The following ST8SIA2 variants were observed in gnomAD, a reference collection of about 807,000 sequenced individuals.
ST8SIA2 encodes the protein ST8 alpha-N-acetyl-neuraminide alpha-2,8-sialyltransferase 2, also known as alpha-2,8-sialyltransferase 8B.
Under a neutral mutation model 37.6 loss-of-function variants are expected in ST8SIA2, and 22 were observed. The ratio of observed to expected loss-of-function variants is 0.58; its 90% CI spans 0.42 to 0.83. The LOEUF (loss-of-function observed/expected upper bound fraction) is 0.83, where lower values mean the gene tolerates loss of function less well. Among genes scored for constraint, ST8SIA2 ranks in the 40% least tolerant of loss-of-function variants. The probability of loss-of-function intolerance (pLI) is 0.00; values close to 1 mark genes in which losing one functional copy is unlikely to be tolerated. For synonymous variants in ST8SIA2, 205 were observed against 201.2 expected (o/e 1.02, Z -0.16); for missense variants, 382 against 484.7 (o/e 0.79, Z 1.99).
At position 92,406,548 on chromosome 15, in the gene ST8SIA2, G is replaced by C. The variant is rs573482429; in HGVS notation, c.98+12386G>C. On this transcript the variant is annotated intron_variant, in intron 1 of 5. Coordinates refer to ENST00000268164, the MANE Select transcript of ST8SIA2 (RefSeq NM_006011.4). Reference sequence around the variant, plus strand: ...CCCAGGTGAAGTGTATGCACACTTTGCTGGGGGAATGATTGGTTTCCCTGC... The same window carrying C: ...CCCAGGTGAAGTGTATGCACACTTTCCTGGGGGAATGATTGGTTTCCCTGC... Among the ~76,000 whole-genome samples the C allele has an allele frequency of 3.5e-4, 53 of 152,350 alleles. No homozygotes were observed. The South Asian group carries it at 9.9e-3, about 29-fold the overall frequency.
chr15:92,396,586 C>A (rs575746801), intron 1 of ST8SIA2, among the ~76,000 whole-genome samples: 1 of 151,940 alleles, frequency 6.6e-6, no homozygotes, highest in East Asian at 1.9e-4. Flanking sequence ...CTCCGCCTCC[C>A]GGGTTCAAGC....
intron 5 of ST8SIA2, among the ~76,000 whole-genome samples, chr15:92,459,788 G>A (rs955386731): frequency 1.3e-5 from 2 of 152,124 alleles, no homozygotes; most frequent in African/African-American, 2.4e-5. Context: ...TAGTAGAGAC[G>A]GGGTTTCACC....
intron 1 of ST8SIA2, among the ~76,000 whole-genome samples, chr15:92,418,348 G>C (rs2141817995): frequency 6.6e-6 from 1 of 151,780 alleles, no homozygotes. Flanking sequence ...TGTAGTCTCA[G>C]CTACTTGGGA....
chr15:92,432,042 G>A (rs1038294355), intron 2 of ST8SIA2, among the ~76,000 whole-genome samples: 1 of 152,064 alleles, frequency 6.6e-6, no homozygotes, highest in Non-Finnish European at 1.5e-5. Flanking sequence ...AGGCATCCAC[G>A]GGAGAATTCC....
intron 1 of ST8SIA2, among the ~76,000 whole-genome samples, chr15:92,412,501 T>C (rs976052281): frequency 1.2e-4 from 19 of 152,280 alleles, no homozygotes; most frequent in Non-Finnish European, 1.6e-4. Context: ...CCTCTCTGCC[T>C]GATATTCTTC....
chr15:92,407,701 G>C (rs1424498462), intron 1 of ST8SIA2, among the ~76,000 whole-genome samples: 1 of 152,168 alleles, frequency 6.6e-6, no homozygotes, highest in Non-Finnish European at 1.5e-5. Context: ...AAGTCTAGGG[G>C]AGCCTTTTAA....
chr15:92,430,597 TGAAA>T lies in ST8SIA2; in HGVS notation c.161+489_161+492del, dbSNP rs549572039. Among the ~76,000 whole-genome samples the T allele has an allele frequency of 3.2e-3, 486 of 152,344 alleles. 9 individuals are homozygous for T. The highest frequency in any genetic ancestry group is 0.011 in the African/African-American group (466 of 41,568). On this transcript the variant is annotated intron_variant, in intron 2 of 5. Coordinates refer to ENST00000268164, the MANE Select transcript of ST8SIA2 (RefSeq NM_006011.4). ...ATTATTGAACGTACGCTCCAAATTC[TGAAA>T]GAGTGTTTCTACTTCATGTAATGGT... is the stretch of plus-strand genomic sequence containing the variant.
chr15:92,443,166 G>A (rs1437218568), intron 4 of ST8SIA2, among the ~76,000 whole-genome samples: 1 of 152,216 alleles, frequency 6.6e-6, no homozygotes, highest in Non-Finnish European at 1.5e-5. Context: ...GTTTGATGAT[G>A]ACCTGTGATC....
At chr15:92,404,592 TG>T (rs2049494232) in intron 1 of ST8SIA2, among the ~76,000 whole-genome samples, 1 of 145,934 alleles carries the variant, frequency 6.9e-6, no homozygotes, top group Non-Finnish European at 1.5e-5. Context: ...GAGGCCGAGG[TG>T]GGTGGATTAC....
At chr15:92,436,966 G>A (rs1378464953) in intron 3 of ST8SIA2, among the ~76,000 whole-genome samples, 1 of 152,182 alleles carries the variant, frequency 6.6e-6, no homozygotes, top group East Asian at 1.9e-4. Flanking sequence ...ATGTCAGCCT[G>A]GAAATTTGAA....
chr15:92,446,633 T>C (rs2049844764), intron 5 of ST8SIA2, among the ~76,000 whole-genome samples: 1 of 152,162 alleles, frequency 6.6e-6, no homozygotes, highest in Non-Finnish European at 1.5e-5. Flanking sequence ...TAAGTTTTCT[T>C]ATAGGGAAAG....
intron 1 of ST8SIA2, among the ~76,000 whole-genome samples, chr15:92,396,470 GTTTT>G (rs111488508): frequency 7.0e-6 from 1 of 143,620 alleles, no homozygotes; most frequent in African/African-American, 2.5e-5. Flanking sequence ...GTTTGTTTTT[GTTTT>G]TTTTTTTGTC....
chr15:92,446,182 G>C (rs2049841100), intron 5 of ST8SIA2, among the ~76,000 whole-genome samples: 1 of 152,182 alleles, frequency 6.6e-6, no homozygotes, highest in South Asian at 2.1e-4. Flanking sequence ...ACAGTGGGGG[G>C]CTGAAGCAGC....
Position 92,466,098 on chromosome 15 carries a change from A to G in ST8SIA2, c.*1713A>G, listed in dbSNP as rs1299189874. Reference sequence around the variant, plus strand: ...CTAAATTAATGGTTGACCGGAAGGGATTGGAGGCGGCAGAACCATTAACCC... The same window carrying G: ...CTAAATTAATGGTTGACCGGAAGGGGTTGGAGGCGGCAGAACCATTAACCC... On this transcript the variant is annotated 3_prime_UTR_variant, in exon 6 of 6. Transcript: ENST00000268164. 1 of 152,158 alleles carries G rather than the reference A, an allele frequency of 6.6e-6. No individual in the cohort carries two copies. Among genetic ancestry groups the G allele is most frequent in the East Asian group, 1.9e-4 (1 of 5,180 alleles). 9.4% of individuals were successfully genotyped at this position (152,158 alleles called of 1,614,324 possible).
intron 3 of ST8SIA2, among the ~76,000 whole-genome samples, chr15:92,434,853 A>G (rs575931374): frequency 2.0e-5 from 3 of 152,298 alleles, no homozygotes; most frequent in Admixed American, 2.0e-4. Flanking sequence ...GAAAACCTAG[A>G]GCCATAGGGG....
rs749600701 is a variant in ST8SIA2, at chr15:92,438,417, C to G, written c.355C>G (p.Pro119Ala). Reference protein sequence around the residue: ...DISVLKGTLKPGDIIHYIFDR... With the variant: ...DISVLKGTLKAGDIIHYIFDR... The stretch of plus-strand genomic sequence containing the variant: ...TTCTGTCCTAAAGGGAACCCTGAAG[C>G]CTGGAGATATTATTCATTACATCTT... The change falls in exon 4 of 6, where the codon CCT (proline) becomes GCT (alanine). Residue 119 changes from proline (P) to alanine (A), a missense_variant. Coordinates refer to ENST00000268164, the MANE Select transcript of ST8SIA2 (RefSeq NM_006011.4). The G allele has an allele frequency of 3.5e-5, 57 of 1,614,082 alleles. No individual in the cohort carries two copies. The Middle Eastern group carries it at 4.9e-4, about 14-fold the overall frequency.
intron 1 of ST8SIA2, chr15:92,417,829 A>T (rs1173886250): frequency 1.3e-5 from 2 of 152,152 alleles, no homozygotes; most frequent in Non-Finnish European, 2.9e-5. Flanking sequence ...CATCGCTTTG[A>T]GTGTCTGGGT....
chr15:92,426,676 A>C (rs1417668587), intron 1 of ST8SIA2, among the ~76,000 whole-genome samples: 1 of 152,230 alleles, frequency 6.6e-6, no homozygotes, highest in East Asian at 1.9e-4. Context: ...AAGTGTACAA[A>C]GTTTCAGACA....
At chr15:92,441,953 A>G (rs1324316671) in intron 4 of ST8SIA2, among the ~76,000 whole-genome samples, 1 of 152,094 alleles carries the variant, frequency 6.6e-6, no homozygotes, top group Non-Finnish European at 1.5e-5. Context: ...TTCAATGTGT[A>G]CCTGTAGGTG....
Sources: gnomAD v4.1 joint callset for allele counts (sites outside exome capture counted in the v4.1 genomes callset) on GRCh38, gnomAD v4.1.1 for gene constraint, MANE v1.5 for transcripts, NCBI Gene and HGNC (gene_info 2026-07-23, HGNC 2026-07-21) for gene names.